Variants in ZHX3 observed in about 807,000 individuals in gnomAD.
ZHX3 encodes the protein zinc fingers and homeoboxes protein 3.
ZHX3 carries 20 observed loss-of-function variants against 64.5 expected under a neutral mutation model. The ratio of observed to expected loss-of-function variants is 0.31; its 90% CI spans 0.22 to 0.45. The LOEUF (loss-of-function observed/expected upper bound fraction) is 0.45. ZHX3 is among the 20% of genes least tolerant of loss of function. The pLI, the probability that ZHX3 is intolerant of heterozygous loss-of-function variation, is 1.00. For synonymous variants in ZHX3, 423 were observed against 461.6 expected (o/e 0.92, Z 1.07); for missense variants, 1,041 against 1,195.8 (o/e 0.87, Z 1.91).
At chr20:41,231,570 T>C (rs555274733) in intron 2 of ZHX3, among the ~76,000 whole-genome samples, 1 of 152,224 alleles carries the variant, frequency 6.6e-6, no homozygotes, top group Non-Finnish European at 1.5e-5. Flanking sequence ...ATAATTTTTT[T>C]GTATGTGGCT....
At chr20:41,248,724 G>A (rs1378307302) in intron 2 of ZHX3, among the ~76,000 whole-genome samples, 1 of 152,126 alleles carries the variant, frequency 6.6e-6, no homozygotes, top group African/African-American at 2.4e-5. Context: ...AATGAATGTG[G>A]GCAATCGCTT....
chr20:41,194,777 T>C (rs749469941), intron 3 of ZHX3, among the ~76,000 whole-genome samples: 16 of 152,226 alleles, frequency 1.1e-4, no homozygotes, highest in Non-Finnish European at 1.5e-4. Flanking sequence ...CAGTTGATTT[T>C]GGGAGAGTGC....
At chr20:41,310,236 C>A (rs2146836656) in intron 1 of ZHX3, among the ~76,000 whole-genome samples, 1 of 152,356 alleles carries the variant, frequency 6.6e-6, no homozygotes, top group South Asian at 2.1e-4. Flanking sequence ...CCCAGTTAAT[C>A]CATGGTCCTA....
At position 41,178,879 on chromosome 20, in the gene ZHX3, CAAAA is replaced by C. The variant is rs2036143992; in HGVS notation, c.*6308_*6311del. 6.6e-6 allele frequency: 1 copy of C among 152,622 alleles called. No homozygotes were observed. Among genetic ancestry groups the C allele is most frequent in the African/African-American group, 2.4e-5 (1 of 41,432 alleles). The allele number at this position is 152,622 out of a possible 1,614,324, so 9.5% of individuals were successfully genotyped here. On this transcript the variant is annotated 3_prime_UTR_variant, in exon 4 of 4. Transcript: ENST00000683867. ...AAGTTTCATTGTGCCTCAAAACAAACAAAAACAGGGCAGTTGCCTCTTACTTGTT... is the reference window on the plus strand; with the variant it reads ...AAGTTTCATTGTGCCTCAAAACAAACACAGGGCAGTTGCCTCTTACTTGTT...
intron 2 of ZHX3, among the ~76,000 whole-genome samples, chr20:41,241,076 T>C (rs1280426192): frequency 1.3e-5 from 2 of 152,224 alleles, no homozygotes; most frequent in Non-Finnish European, 2.9e-5. Context: ...TTTTAGTTTT[T>C]AGAGGAACCT....
intron 2 of ZHX3, among the ~76,000 whole-genome samples, chr20:41,268,123 GC>G (rs2042952047): frequency 6.6e-6 from 1 of 152,132 alleles, no homozygotes; most frequent in African/African-American, 2.4e-5. Flanking sequence ...TGGTCCCCAG[GC>G]TTGTGAAGGA....
chr20:41,225,224 C>T (rs996103564), intron 2 of ZHX3, among the ~76,000 whole-genome samples: 3 of 152,174 alleles, frequency 2.0e-5, no homozygotes, highest in South Asian at 2.1e-4. Context: ...ATAGACCTGA[C>T]ATGACATTCG....
intron 2 of ZHX3, among the ~76,000 whole-genome samples, chr20:41,206,978 G>C (rs1319384787): frequency 6.6e-6 from 1 of 152,210 alleles, no homozygotes; most frequent in Non-Finnish European, 1.5e-5. Flanking sequence ...AGCCAGAAGA[G>C]AAGTGGGGGC....
chr20:41,231,634 C>T (rs2040612846), intron 2 of ZHX3, among the ~76,000 whole-genome samples: 1 of 152,138 alleles, frequency 6.6e-6, no homozygotes, highest in Non-Finnish European at 1.5e-5. Context: ...TTTTGTTCAT[C>T]TTTGGGTCCT....
rs1375351773 is a variant in ZHX3, at chr20:41,204,149, G to A, written c.768C>T (p.Pro256=). 1.9e-6 allele frequency: 3 copies of A among 1,607,188 alleles called. No homozygotes were observed. Among genetic ancestry groups the A allele is most frequent in the Non-Finnish European group, 2.5e-6 (3 of 1,176,668 alleles). ...SAKNPHAANG[P]LIGTVPVLPA... ...GCAAAACTGGCACTGTTCCTATCAG[G>A]GGCCCGTTGGCGGCATGGGGGTTTT... The change falls in exon 3 of 4, where the codon CCC becomes CCT. Residue 256 remains proline (P), a synonymous_variant. Transcript: ENST00000683867. The surrounding 1 kb of genome is among the most constrained non-coding windows in gnomAD (Gnocchi z 6.6).
chr20:41,253,901 A>C (rs932231451), intron 2 of ZHX3, among the ~76,000 whole-genome samples: 2 of 151,578 alleles, frequency 1.3e-5, no homozygotes, highest in African/African-American at 4.8e-5. Flanking sequence ...TCATGGTAAT[A>C]ATCTTTCAAT....
At chr20:41,253,863 T>C (rs2042107693) in intron 2 of ZHX3, among the ~76,000 whole-genome samples, 1 of 152,198 alleles carries the variant, frequency 6.6e-6, no homozygotes, top group South Asian at 2.1e-4. Context: ...TACTGATGGC[T>C]GAAAACTGGT....
In ZHX3 at chr20:41,312,060, A is replaced by AG. The variant is rs947995564; in HGVS notation, c.-245+5448dup. Among the ~76,000 whole-genome samples, 35 of 152,272 alleles carry AG rather than the reference A, an allele frequency of 2.3e-4. 1 individual carries two copies. Among genetic ancestry groups the AG allele is most frequent in the African/African-American group, 8.4e-4 (35 of 41,570 alleles). ...GAAACATATAAATGAAGTGCTATTG[A>AG]GGGGGTAAAGCCAGCTGGACTTCCT... On this transcript the variant is annotated intron_variant, in intron 1 of 3. Transcript: ENST00000683867.
intron 1 of ZHX3, among the ~76,000 whole-genome samples, chr20:41,312,343 C>T (rs1568969365): frequency 6.6e-6 from 1 of 152,186 alleles, no homozygotes; most frequent in South Asian, 2.1e-4. Flanking sequence ...CCACCCCAGC[C>T]AGTAGCAGCA....
At chr20:41,229,398 A>G (rs2040460885) in intron 2 of ZHX3, among the ~76,000 whole-genome samples, 1 of 151,914 alleles carries the variant, frequency 6.6e-6, no homozygotes, top group Non-Finnish European at 1.5e-5. Context: ...CCTACTATCA[A>G]CTCTTCTGGG....
intron 3 of ZHX3, among the ~76,000 whole-genome samples, chr20:41,193,550 C>G (rs2037223208): frequency 6.6e-6 from 1 of 152,178 alleles, no homozygotes; most frequent in African/African-American, 2.4e-5. Context: ...CTGCCTCAGC[C>G]TCCCAAGTAG....
intron 3 of ZHX3, among the ~76,000 whole-genome samples, chr20:41,197,652 T>C (rs1466645729): frequency 6.6e-6 from 1 of 151,866 alleles, no homozygotes; most frequent in African/African-American, 2.4e-5. Context: ...GCTTAATCCC[T>C]TTACATTTAA....
chr20:41,209,036 A>G (rs1038889701), intron 2 of ZHX3, among the ~76,000 whole-genome samples: 7 of 152,196 alleles, frequency 4.6e-5, no homozygotes, highest in African/African-American at 7.2e-5. Context: ...AAGCATTCCA[A>G]TACACCAATA....
At chr20:41,231,846 T>C (rs1178569346) in intron 2 of ZHX3, among the ~76,000 whole-genome samples, 2 of 152,190 alleles carry the variant, frequency 1.3e-5, no homozygotes, top group Non-Finnish European at 2.9e-5. Context: ...ATTCACAAGC[T>C]AAAATTTGTA....
Sources: allele counts gnomAD v4.1 joint callset (sites outside exome capture counted in the v4.1 genomes callset), GRCh38; gene constraint gnomAD v4.1.1; non-coding constraint Gnocchi (gnomAD v3.1); transcripts MANE v1.5; gene names NCBI Gene and HGNC (gene_info 2026-07-23, HGNC 2026-07-21).